SLC6A16: variants seen among roughly 807,000 people sequenced by gnomAD.
The protein encoded by SLC6A16 is solute carrier family 6 member 16, also known as orphan sodium- and chloride-dependent neurotransmitter transporter NTT5.
SLC6A16 carries 54 observed loss-of-function variants against 65.4 expected under a neutral mutation model. That is an observed-to-expected ratio of 0.83 (90% confidence interval 0.66 to 1.04). The LOEUF (loss-of-function observed/expected upper bound fraction) is 1.04. SLC6A16 is among the 50% of genes least tolerant of loss of function. SLC6A16 has a pLI of 0.00. For missense variants in SLC6A16, 816 were observed against 914.0 expected, an observed-to-expected ratio of 0.89 and a Z score of 1.38; for synonymous variants, 330 against 346.5, an observed-to-expected ratio of 0.95 and a Z score of 0.53.
chr19:49,331,621 A>G, the SLC6A16 span: 4 of 371,448 alleles, frequency 1.1e-5, no homozygotes, highest in South Asian at 5.8e-5. Flanking sequence ...ACTTACATAA[A>G]GTCCAAAATG....
chr19:49,339,284 G>T, the SLC6A16 span: 80 of 1,539,596 alleles, frequency 5.2e-5, no homozygotes, highest in African/African-American at 9.8e-4. The surrounding 1 kb of genome is among the most constrained non-coding windows in gnomAD (Gnocchi z 4.5). Context: ...GCCTGGGCTT[G>T]AGAGTCCCAG....
chr19:49,304,131 G>T (rs1002201135), intron 7 of SLC6A16, among the ~76,000 whole-genome samples: 2 of 152,220 alleles, frequency 1.3e-5, no homozygotes, highest in African/African-American at 2.4e-5. Flanking sequence ...TGATTGATCA[G>T]TGATGCTTTT....
rs566445863 is a variant in SLC6A16, at chr19:49,311,036, C to A, written c.312G>T (p.Pro104=). 2 of 1,614,094 alleles carry A rather than the reference C, an allele frequency of 1.2e-6. No individual in the cohort carries two copies. The highest frequency in any genetic ancestry group is 2.2e-5 in the South Asian group (2 of 91,088). ...KKESEVLLAR[P]FWSSKTEYIL... is the part of the protein sequence containing the mutation. Reference sequence around the variant, plus strand: ...TATACTCAGTTTTGCTGGACCAGAACGGACGGGCAAGGAGGACCTCACTCT... The same window carrying A: ...TATACTCAGTTTTGCTGGACCAGAAAGGACGGGCAAGGAGGACCTCACTCT... Residue 104 remains proline, a synonymous_variant, in exon 2 of 12, where the codon CCG becomes CCT. Transcript: ENST00000335875.
In SLC6A16 at chr19:49,290,539, C is replaced by G. The variant is rs780901281; in HGVS notation, c.1941+66G>C. Reference sequence around the variant, plus strand: ...AGAATGAGATGACTGGGTTCTTTCACCCAGAGTGAATTGAAAGGTCTGGCC... The same window carrying G: ...AGAATGAGATGACTGGGTTCTTTCAGCCAGAGTGAATTGAAAGGTCTGGCC... On this transcript the variant is annotated intron_variant, in intron 11 of 11. Coordinates refer to ENST00000335875, the MANE Select transcript of SLC6A16 (RefSeq NM_014037.3). The G allele has an allele frequency of 5.0e-6, 8 of 1,588,766 alleles. No homozygotes were observed. The Admixed American group carries it at 1.3e-4, about 27-fold the overall frequency.
At chr19:49,319,206 CA>C (rs1970665476) in intron 1 of SLC6A16, among the ~76,000 whole-genome samples, 1 of 151,204 alleles carries the variant, frequency 6.6e-6, no homozygotes, top group African/African-American at 2.4e-5. Context: ...GACTGTGAGA[CA>C]ATATCAAATG....
intron 1 of SLC6A16, among the ~76,000 whole-genome samples, chr19:49,318,139 A>T (rs1970646761): frequency 6.6e-6 from 1 of 152,226 alleles, no homozygotes; most frequent in African/African-American, 2.4e-5. Context: ...ATCAACCTGC[A>T]CATGTATAGT....
rs1194640276 is a variant in SLC6A16, at chr19:49,309,012, G to A, written c.1093C>T (p.Pro365Ser). 2 of 1,614,208 alleles carry A rather than the reference G, an allele frequency of 1.2e-6. No individual in the cohort carries two copies. Among genetic ancestry groups the A allele is most frequent in the Non-Finnish European group, 1.7e-6 (2 of 1,180,040 alleles). Residue 365 changes from proline (P) to serine (S), a missense_variant, in exon 7 of 12, where the codon CCC becomes TCC. Pro to Ser is a moderately conservative substitution (Grantham distance 74, BLOSUM62 -1). Coordinates refer to ENST00000335875, the MANE Select transcript of SLC6A16 (RefSeq NM_014037.3). ...GSVASLASYM[P>S]QSNNCLSDAF... ...TCACTGAGACAGTTGTTGGACTGGG[G>A]CATGTAGGAGGCTAAGGAGGCAACG...
At chr19:49,291,014 G>A (rs1385036598) in intron 10 of SLC6A16, among the ~76,000 whole-genome samples, 3 of 152,118 alleles carry the variant, frequency 2.0e-5, no homozygotes, top group Non-Finnish European at 4.4e-5. Flanking sequence ...TCAGGAGAAA[G>A]GCCAAGTCTC....
chr19:49,298,503 T>A (rs1970225309), intron 7 of SLC6A16, among the ~76,000 whole-genome samples: 1 of 152,050 alleles, frequency 6.6e-6, no homozygotes, highest in Non-Finnish European at 1.5e-5. Flanking sequence ...TGCTCACTGG[T>A]GTGTTTCTCA....
intron 1 of SLC6A16, among the ~76,000 whole-genome samples, chr19:49,321,971 A>C (rs759174430): frequency 6.6e-6 from 1 of 152,268 alleles, no homozygotes; most frequent in Middle Eastern, 3.4e-3. Context: ...CATATACGAA[A>C]AACTCACAGC....
chr19:49,335,436 C>T, the SLC6A16 span: 2 of 847,662 alleles, frequency 2.4e-6, no homozygotes, highest in South Asian at 2.9e-5. The surrounding 1 kb of genome is among the most constrained non-coding windows in gnomAD (Gnocchi z 4.6). Context: ...TCTCTCTCAG[C>T]TCTCCGTCTC....
the SLC6A16 span, chr19:49,332,392 T>C: frequency 1.5e-5 from 6 of 403,244 alleles, no homozygotes; most frequent in African/African-American, 2.1e-5. Flanking sequence ...CCATCTCTAC[T>C]AAAAATACTA....
intron 7 of SLC6A16, among the ~76,000 whole-genome samples, chr19:49,299,883 C>T (rs546373908): frequency 7.7e-5 from 7 of 91,408 alleles, no homozygotes; most frequent in East Asian, 8.9e-4. Context: ...ACTAGCCGGG[C>T]GTGGTGGTGG....
chr19:49,337,480 G>T, the SLC6A16 span: 1 of 608,452 alleles, frequency 1.6e-6, no homozygotes, highest in Non-Finnish European at 2.7e-6. Context: ...AAAAAATCCG[G>T]GTGTGATGGT....
chr19:49,340,064 T>C, the SLC6A16 span: 1 of 1,516,054 alleles, frequency 6.6e-7, no homozygotes, highest in Non-Finnish European at 8.8e-7. Context: ...GTAGCAGCTA[T>C]TCCCGCCTCA....
chr19:49,337,858 G>T, the SLC6A16 span: 1 of 1,587,420 alleles, frequency 6.3e-7, no homozygotes. Flanking sequence ...CCTGAGGCTG[G>T]CACAGCCTGA....
chr19:49,322,561 G>A (rs1390677458), intron 1 of SLC6A16, among the ~76,000 whole-genome samples: 4 of 150,060 alleles, frequency 2.7e-5, no homozygotes, highest in South Asian at 4.2e-4. Flanking sequence ...TTGAACCTGG[G>A]AGGCAGAGGT....
chr19:49,322,782 T>TCAGTATTA (rs1970733908), intron 1 of SLC6A16, among the ~76,000 whole-genome samples: 1 of 137,432 alleles, frequency 7.3e-6, no homozygotes, highest in Non-Finnish European at 1.5e-5. Flanking sequence ...TGTTAAGATG[T>TCAGTATTA]CAGTATTACC....
intron 7 of SLC6A16, 56 bp from the exon 8 acceptor site, chr19:49,294,609 C>T: frequency 2.1e-6 from 3 of 1,408,176 alleles, no homozygotes; most frequent in African/African-American, 1.5e-5. Context: ...GAGATAGTCT[C>T]CTTTTCCCTT....
Sources: gnomAD v4.1 joint callset for allele counts (sites outside exome capture counted in the v4.1 genomes callset) on GRCh38, gnomAD v4.1.1 for gene constraint, Gnocchi (gnomAD v3.1) non-coding constraint, MANE v1.5 for transcripts, NCBI Gene and HGNC (gene_info 2026-07-23, HGNC 2026-07-21) for gene names.